The following VWC2L variants were observed in gnomAD, a reference collection of about 807,000 sequenced individuals.
VWC2L encodes the protein von Willebrand factor C domain-containing protein 2-like.
In VWC2L, 10 loss-of-function variants were observed where a neutral mutation model predicts 21.6. That is an observed-to-expected ratio of 0.46 (90% CI 0.29 to 0.78). The LOEUF (loss-of-function observed/expected upper bound fraction) is 0.78, where lower values mean the gene tolerates loss of function less well. VWC2L is among the 30% of genes least tolerant of loss of function. The pLI is 0.10. For missense variants in VWC2L, 209 were observed against 277.1 expected (o/e 0.75, Z 1.74); for synonymous variants, 96 against 94.3 (o/e 1.02, Z -0.10).
At chr2:214,428,816 A>AT (rs1491078977) in intron 2 of VWC2L, among the ~76,000 whole-genome samples, 3 of 88,864 alleles carry the variant, frequency 3.4e-5, no homozygotes, top group African/African-American at 1.3e-4. Flanking sequence ...GACAGTGGCA[A>AT]AAAAAAAAAA....
At chr2:214,531,276 G>A (rs1311167368) in intron 3 of VWC2L, among the ~76,000 whole-genome samples, 3 of 152,150 alleles carry the variant, frequency 2.0e-5, no homozygotes, top group East Asian at 1.9e-4. Flanking sequence ...CATTCTGATC[G>A]TGTGTGGACT....
At chr2:214,469,670 T>C (rs761144555) in intron 3 of VWC2L, among the ~76,000 whole-genome samples, 15 of 152,310 alleles carry the variant, frequency 9.8e-5, no homozygotes, top group South Asian at 2.1e-4. Context: ...GATCTCTGTA[T>C]TGCCTTAGAG....
At chr2:214,566,780 T>G (rs970833558) in intron 3 of VWC2L, among the ~76,000 whole-genome samples, 1 of 152,202 alleles carries the variant, frequency 6.6e-6, no homozygotes, top group African/African-American at 2.4e-5. Context: ...CAATTTTAAC[T>G]GCAATCAGCT....
chr2:214,541,463 T>C (rs935602239), intron 3 of VWC2L, among the ~76,000 whole-genome samples: 7 of 152,178 alleles, frequency 4.6e-5, no homozygotes, highest in East Asian at 1.9e-4. Context: ...CTTCTGGGCA[T>C]AGAATAGGAA....
At chr2:214,446,649 A>G (rs1702841866) in intron 3 of VWC2L, among the ~76,000 whole-genome samples, 1 of 152,210 alleles carries the variant, frequency 6.6e-6, no homozygotes, top group Non-Finnish European at 1.5e-5. Context: ...TTTCTCACTT[A>G]AGATATGGAA....
intron 2 of VWC2L, among the ~76,000 whole-genome samples, chr2:214,421,680 C>T (rs1476613884): frequency 6.6e-6 from 1 of 151,884 alleles, no homozygotes; most frequent in Non-Finnish European, 1.5e-5. Context: ...TTGCCCATTC[C>T]TTACTGACTC....
chr2:214,509,105 ATGCACACAGGCTTG>A (rs910634979), intron 3 of VWC2L, among the ~76,000 whole-genome samples: 2 of 151,980 alleles, frequency 1.3e-5, no homozygotes, highest in Middle Eastern at 3.2e-3. Context: ...TCTGCTCCAG[ATGCACACAGGCTTG>A]AGCCTCTTTC....
chr2:214,481,080 G>A (rs1308183853), intron 3 of VWC2L, among the ~76,000 whole-genome samples: 1 of 152,080 alleles, frequency 6.6e-6, no homozygotes, highest in East Asian at 1.9e-4. Flanking sequence ...AATCAGCTTA[G>A]AAAATGGCAA....
At chr2:214,517,915 C>T (rs976899869) in intron 3 of VWC2L, among the ~76,000 whole-genome samples, 5 of 152,290 alleles carry the variant, frequency 3.3e-5, no homozygotes, top group Admixed American at 3.3e-4. Flanking sequence ...GCCTGTAATA[C>T]CAGCACTTTG....
At chr2:214,491,864 G>A (rs1017447673) in intron 3 of VWC2L, among the ~76,000 whole-genome samples, 1 of 152,070 alleles carries the variant, frequency 6.6e-6, no homozygotes, top group African/African-American at 2.4e-5. Context: ...CCCTATCATA[G>A]CTACATAGTA....
chr2:214,442,728 C>T (rs776485627), intron 3 of VWC2L, among the ~76,000 whole-genome samples: 2 of 151,496 alleles, frequency 1.3e-5, no homozygotes, highest in Non-Finnish European at 2.9e-5. Context: ...AGAGAAAAGG[C>T]AAGAAAAAAG....
rs2105929263 is a variant in VWC2L at position 214,560,816 on chromosome 2, C to A, written c.521-14856C>A. ...AGCTGTCATGTGGGCTAAAATCACA[C>A]TTATCAAAGAAACACAATAATGACA... is the stretch of plus-strand genomic sequence containing the variant. On this transcript the variant is annotated intron_variant, in intron 3 of 3. Transcript: ENST00000312504. 1.3e-5 allele frequency among the ~76,000 whole-genome samples: 2 copies of A among 152,284 alleles called. 1 individual carries two copies. The highest frequency in any genetic ancestry group is 4.1e-4 in the South Asian group (2 of 4,826).
chr2:214,575,628 C>T, intron 3 of VWC2L, 44 bp from the exon 4 acceptor site: 1 of 1,599,612 alleles, frequency 6.3e-7, no homozygotes, highest in South Asian at 1.1e-5. Flanking sequence ...AGAAAGGGAG[C>T]CTCTCAGATT....
At chr2:214,568,830 T>C (rs2105933294) in intron 3 of VWC2L, among the ~76,000 whole-genome samples, 1 of 152,280 alleles carries the variant, frequency 6.6e-6, no homozygotes, top group South Asian at 2.1e-4. Context: ...TTTTGTTGCT[T>C]AATAGATAGG....
chr2:214,520,383 T>C (rs936553693), intron 3 of VWC2L, among the ~76,000 whole-genome samples: 11 of 152,330 alleles, frequency 7.2e-5, no homozygotes, highest in African/African-American at 2.6e-4. Context: ...TTTTTTTTAA[T>C]GTAGCATAAC....
intron 3 of VWC2L, among the ~76,000 whole-genome samples, chr2:214,485,854 A>G (rs1372439525): frequency 6.6e-6 from 1 of 152,256 alleles, no homozygotes; most frequent in Non-Finnish European, 1.5e-5. Context: ...TAAATTGCAA[A>G]GAAATAAATA....
At position 214,547,436 on chromosome 2, in the gene VWC2L, A is replaced by G. The variant is rs114832183; in HGVS notation, c.521-28236A>G. On this transcript the variant is annotated intron_variant, in intron 3 of 3. Transcript: ENST00000312504. Reference sequence around the variant, plus strand: ...AATTCAGTGCAAGGTAAAATTTACTAGGGCTGAAAGGGTAGAAGATATGTA... The same window carrying G: ...AATTCAGTGCAAGGTAAAATTTACTGGGGCTGAAAGGGTAGAAGATATGTA... Among the ~76,000 whole-genome samples the G allele has an allele frequency of 2.6e-3, 393 of 152,340 alleles. 1 individual carries two copies. The highest frequency in any genetic ancestry group is 8.7e-3 in the African/African-American group (362 of 41,578).
At chr2:214,516,572 G>A (rs915673182) in intron 3 of VWC2L, among the ~76,000 whole-genome samples, 2 of 151,902 alleles carry the variant, frequency 1.3e-5, no homozygotes, top group African/African-American at 4.8e-5. Flanking sequence ...TCTAAAGAGT[G>A]CATTGGTAGC....
At chr2:214,543,892 C>G (rs945453904) in intron 3 of VWC2L, among the ~76,000 whole-genome samples, 7 of 152,164 alleles carry the variant, frequency 4.6e-5, no homozygotes, top group Non-Finnish European at 8.8e-5. Context: ...AACCTAAAGC[C>G]TTTATGATGT....
Sources: gnomAD v4.1 joint callset for allele counts (sites outside exome capture counted in the v4.1 genomes callset) on GRCh38, gnomAD v4.1.1 for gene constraint, MANE v1.5 for transcripts, NCBI Gene and HGNC (gene_info 2026-07-23, HGNC 2026-07-21) for gene names.